The following PIAS1 variants were observed in gnomAD, a reference collection of about 807,000 sequenced individuals.
PIAS1 encodes E3 SUMO-protein ligase PIAS1.
Under a neutral mutation model 71.3 loss-of-function variants are expected in PIAS1, and 6 were observed. That is an observed-to-expected ratio of 0.08 (90% confidence interval 0.05 to 0.17). The LOEUF (loss-of-function observed/expected upper bound fraction) is 0.17. Among genes scored for constraint, PIAS1 ranks in the 10% least tolerant of loss-of-function variants. PIAS1 has a pLI of 1.00. For synonymous variants in PIAS1, 303 were observed against 292.9 expected (o/e 1.03, Z -0.35); for missense variants, 555 against 793.6 (o/e 0.70, Z 3.61).
At chr15:68,088,554 A>G (rs2092306856) in intron 2 of PIAS1, among the ~76,000 whole-genome samples, 1 of 152,278 alleles carries the variant, frequency 6.6e-6, no homozygotes, top group East Asian at 1.9e-4. Flanking sequence ...TGATATGTAA[A>G]TAGATTTTCA....
In PIAS1 at chr15:68,054,491, C is replaced by A; in HGVS notation, c.24+141C>A. The A allele has an allele frequency of 3.5e-6, 3 of 851,220 alleles. No individual in the cohort carries two copies. The highest frequency in any genetic ancestry group is 5.3e-6 in the Non-Finnish European group (3 of 562,710). The allele number at this position is 851,220 out of a possible 1,614,324, so 52.7% of individuals were successfully genotyped here. ...GGAGTTGTAGGGAGAGAGGCGCGCC[C>A]GGTCTCAGCAGAGGGGGCCCGCCTG... On this transcript the variant is annotated intron_variant, in intron 1 of 13. Coordinates refer to ENST00000249636, the MANE Select transcript of PIAS1 (RefSeq NM_016166.3). The surrounding 1 kb of genome is among the most constrained non-coding windows in gnomAD (Gnocchi z 4.6).
intron 2 of PIAS1, among the ~76,000 whole-genome samples, chr15:68,102,479 T>C (rs1476477876): frequency 1.3e-5 from 2 of 152,232 alleles, no homozygotes; most frequent in East Asian, 3.8e-4. Context: ...GCTCTACAAA[T>C]AGTCTTGCTG....
intron 2 of PIAS1, among the ~76,000 whole-genome samples, chr15:68,106,786 C>A (rs1213090416): frequency 2.0e-5 from 3 of 152,188 alleles, no homozygotes; most frequent in African/African-American, 7.2e-5. Flanking sequence ...AGTGTATTAG[C>A]CCTACTGCTG....
chr15:68,055,861 G>C, intron 1 of PIAS1: 1 of 696,780 alleles, frequency 1.4e-6, no homozygotes, highest in Non-Finnish European at 2.6e-6. Context: ...CACCGAAAGA[G>C]CTTTTCTCCT....
At chr15:68,177,490 T>C (rs1157175832) in intron 11 of PIAS1, among the ~76,000 whole-genome samples, 2 of 152,164 alleles carry the variant, frequency 1.3e-5, no homozygotes, top group Non-Finnish European at 2.9e-5. Flanking sequence ...AGTGAATGAC[T>C]TCTGTTGCAG....
chr15:68,079,842 AT>A (rs1157662851), intron 1 of PIAS1, among the ~76,000 whole-genome samples: 6 of 151,100 alleles, frequency 4.0e-5, no homozygotes, highest in African/African-American at 9.7e-5. Flanking sequence ...TTTGTTATTT[AT>A]TTTTTTGAGA....
intron 2 of PIAS1, among the ~76,000 whole-genome samples, chr15:68,130,074 G>A (rs768662680): frequency 3.3e-4 from 50 of 151,770 alleles, no homozygotes; most frequent in African/African-American, 1.2e-3. Flanking sequence ...TTCACCATAC[G>A]AAACTAGAAA....
chr15:68,156,740 A>C (rs1355581489), intron 7 of PIAS1, among the ~76,000 whole-genome samples: 2 of 150,372 alleles, frequency 1.3e-5, no homozygotes, highest in Non-Finnish European at 3.0e-5. Context: ...AGAGAGAGAG[A>C]GAGAGCGCCA....
intron 2 of PIAS1, among the ~76,000 whole-genome samples, chr15:68,097,444 A>G (rs953832753): frequency 2.6e-5 from 4 of 151,818 alleles, no homozygotes. Context: ...TTATTTATTT[A>G]TTTTTGAGAC....
chr15:68,102,748 A>T (rs2092438679), intron 2 of PIAS1, among the ~76,000 whole-genome samples: 1 of 152,040 alleles, frequency 6.6e-6, no homozygotes, highest in Non-Finnish European at 1.5e-5. Flanking sequence ...AGTTCTAGGA[A>T]GTTTTTTGTA....
intron 2 of PIAS1, among the ~76,000 whole-genome samples, chr15:68,129,468 G>A (rs2092673995): frequency 6.6e-6 from 1 of 152,002 alleles, no homozygotes; most frequent in Non-Finnish European, 1.5e-5. Flanking sequence ...AAAAGTTGTT[G>A]TTGTGAGTAT....
intron 7 of PIAS1, among the ~76,000 whole-genome samples, chr15:68,160,266 TC>T (rs1248438071): frequency 6.6e-6 from 1 of 152,162 alleles, no homozygotes; most frequent in Admixed American, 6.5e-5. Flanking sequence ...GGTCTGTGAT[TC>T]ATTTTGAGTT....
chr15:68,057,975 G>C (rs1382915765), intron 1 of PIAS1, among the ~76,000 whole-genome samples: 2 of 152,170 alleles, frequency 1.3e-5, no homozygotes, highest in Non-Finnish European at 2.9e-5. Flanking sequence ...GCTTAGTGGC[G>C]AGTCCATAGC....
In PIAS1 at chr15:68,191,061, T is replaced by C. The variant is rs2093117429; in HGVS notation, c.*3226T>C. The C allele has an allele frequency of 2.0e-5, 3 of 152,652 alleles. No homozygotes were observed. The South Asian group carries it at 6.2e-4, about 32-fold the overall frequency. 9.5% of individuals were successfully genotyped at this position (152,652 alleles called of 1,614,324 possible). A position where few individuals can be genotyped will look rare whatever the true frequency, so the allele number is the denominator to read the frequency against. ...TTTTTAAAGCACATTTGAAATTATTTTAGTAAGAATTTTGTTTTATCAATA... is the reference window on the plus strand; with the variant it reads ...TTTTTAAAGCACATTTGAAATTATTCTAGTAAGAATTTTGTTTTATCAATA... On this transcript the variant is annotated 3_prime_UTR_variant, in exon 14 of 14. Transcript: ENST00000249636.
In PIAS1 at chr15:68,174,492, T is replaced by G. The variant is rs1468860807; in HGVS notation, c.1169+600T>G. 6.6e-6 allele frequency among the ~76,000 whole-genome samples: 1 copy of G among 152,202 alleles called. No homozygotes were observed. The highest frequency in any genetic ancestry group is 1.5e-5 in the Non-Finnish European group (1 of 68,028). On this transcript the variant is annotated intron_variant, in intron 9 of 13. Coordinates refer to ENST00000249636, the MANE Select transcript of PIAS1 (RefSeq NM_016166.3). The surrounding 1 kb of genome is among the most constrained non-coding windows in gnomAD (Gnocchi z 4.0). ...CCCTTTTCCTCCTGCTTTTTGCCAC[T>G]AAACAAAAACAAATTGTGAAAAGGA...
At chr15:68,114,684 G>T (rs1271855548) in intron 2 of PIAS1, among the ~76,000 whole-genome samples, 1 of 151,938 alleles carries the variant, frequency 6.6e-6, no homozygotes. Flanking sequence ...TCTTAGATTA[G>T]CTCAGTGTTT....
rs913643399 is a variant in PIAS1 at position 68,054,640 on chromosome 15, C to T, written c.24+290C>T. 1.2e-5 allele frequency: 4 copies of T among 338,478 alleles called. No individual in the cohort carries two copies. The highest frequency in any genetic ancestry group is 6.5e-5 in the African/African-American group (3 of 46,426). 21.0% of individuals were successfully genotyped at this position (338,478 alleles called of 1,614,324 possible). On this transcript the variant is annotated intron_variant, in intron 1 of 13. Coordinates refer to ENST00000249636, the MANE Select transcript of PIAS1 (RefSeq NM_016166.3). This position sits in a 1 kb window ranked among gnomAD's most constrained non-coding sequence, Gnocchi z 4.6. Reference sequence around the variant, plus strand: ...ATAGGGAGTCCGGAGGTAGGGGCTGCAGCTGTCTCATGGGCTCGGCTTTTT... The same window carrying T: ...ATAGGGAGTCCGGAGGTAGGGGCTGTAGCTGTCTCATGGGCTCGGCTTTTT...
chr15:68,131,431 T>G (rs2092687232), intron 2 of PIAS1, among the ~76,000 whole-genome samples: 2 of 152,136 alleles, frequency 1.3e-5, no homozygotes, highest in South Asian at 4.1e-4. Flanking sequence ...TCTTAGCAAT[T>G]TTAAAATGTT....
rs2093109181 is a variant in PIAS1 at position 68,189,630 on chromosome 15, A to G, written c.*1795A>G. On this transcript the variant is annotated 3_prime_UTR_variant, in exon 14 of 14. Coordinates refer to ENST00000249636, the MANE Select transcript of PIAS1 (RefSeq NM_016166.3). ...TTGGGAAAAAAAAAAGTTGGTGTTG[A>G]TATGTATATGTGTGTGTGTATATAT... is the stretch of plus-strand genomic sequence containing the variant. The G allele has an allele frequency of 1.3e-5, 2 of 152,114 alleles. No individual in the cohort carries two copies. Among genetic ancestry groups the G allele is most frequent in the Non-Finnish European group, 2.9e-5 (2 of 68,016 alleles). The allele number at this position is 152,114 out of a possible 1,614,324, so 9.4% of individuals were successfully genotyped here.
Sources: gnomAD v4.1 joint callset for allele counts (sites outside exome capture counted in the v4.1 genomes callset) on GRCh38, gnomAD v4.1.1 for gene constraint, Gnocchi (gnomAD v3.1) non-coding constraint, MANE v1.5 for transcripts, NCBI Gene and HGNC (gene_info 2026-07-23, HGNC 2026-07-21) for gene names.